ESR1: variants seen among roughly 807,000 people sequenced by gnomAD.
ESR1 encodes estrogen receptor 1.
ESR1 carries 12 observed loss-of-function variants against 52.7 expected under a neutral mutation model. That is an observed-to-expected ratio of 0.23 (90% CI 0.15 to 0.37). The LOEUF (loss-of-function observed/expected upper bound fraction) is 0.37, where lower values mean the gene tolerates loss of function less well. ESR1 is among the 10% of genes least tolerant of loss of function. The probability of loss-of-function intolerance (pLI) is 1.00; values close to 1 mark genes in which losing one functional copy is unlikely to be tolerated. For missense variants in ESR1, 584 were observed against 779.7 expected, an observed-to-expected ratio of 0.75 and a Z score of 2.99; for synonymous variants, 305 against 316.8, an observed-to-expected ratio of 0.96 and a Z score of 0.39.
exon 7 of ESR1, chr6:152,125,274 C>G (rs2052975111): frequency 6.5e-7 from 1 of 1,550,314 alleles, no homozygotes; most frequent in Non-Finnish European, 8.7e-7. Context: ...AGGTATCTCA[C>G]ATGTAGAAGC....
At chr6:152,015,671 A>G (rs1424960627) in intron 5 of ESR1, among the ~76,000 whole-genome samples, 1 of 151,998 alleles carries the variant, frequency 6.6e-6, no homozygotes, top group African/African-American at 2.4e-5. Context: ...TTCCCATCCA[A>G]CTCACTTCCT....
At chr6:151,968,361 G>A (rs2038519100) in intron 4 of ESR1, among the ~76,000 whole-genome samples, 1 of 152,144 alleles carries the variant, frequency 6.6e-6, no homozygotes, top group Non-Finnish European at 1.5e-5. Flanking sequence ...ACAGGCATGG[G>A]CAAATACTTC....
chr6:152,001,930 T>C (rs1396493535), intron 4 of ESR1, among the ~76,000 whole-genome samples: 1 of 151,962 alleles, frequency 6.6e-6, no homozygotes, highest in African/African-American at 2.4e-5. Context: ...CCCAAAGGGC[T>C]CCTGACTGGC....
intron 2 of ESR1, among the ~76,000 whole-genome samples, chr6:151,861,872 A>T (rs1788958949): frequency 6.6e-6 from 1 of 152,098 alleles, no homozygotes; most frequent in African/African-American, 2.4e-5. Context: ...AGTGTTTTGC[A>T]TGATTTACAA....
In ESR1 at chr6:151,927,727, CT is replaced by C. The variant is rs574266553; in HGVS notation, c.761-16436del. Among the ~76,000 whole-genome samples the C allele has an allele frequency of 3.6e-3, 536 of 147,972 alleles. 2 individuals are homozygous for C. Among genetic ancestry groups the C allele is most frequent in the African/African-American group, 0.012 (480 of 40,534 alleles). ...TTGGTAATTTATGTTTTCTGTCTCT[CT>C]TTTTTTTTTGCCAGAGTCTAACTCT... is the stretch of plus-strand genomic sequence containing the variant. On this transcript the variant is annotated intron_variant, in intron 3 of 7. Coordinates refer to ENST00000206249, the MANE Select transcript of ESR1 (RefSeq NM_000125.4).
chr6:151,720,447 A>G (rs935425788), intron 2 of ESR1, among the ~76,000 whole-genome samples: 3 of 152,220 alleles, frequency 2.0e-5, no homozygotes, highest in Non-Finnish European at 4.4e-5. Context: ...TTTCCAAATG[A>G]ATTCCACAAG....
chr6:151,864,970 G>A (rs1055434296), intron 2 of ESR1, among the ~76,000 whole-genome samples: 32 of 150,840 alleles, frequency 2.1e-4, no homozygotes, highest in Non-Finnish European at 3.4e-4. Context: ...GATAGCATTA[G>A]GAGATATAAC....
intron 6 of ESR1, among the ~76,000 whole-genome samples, chr6:152,116,154 G>A (rs1053548269): frequency 2.4e-4 from 36 of 152,062 alleles, no homozygotes; most frequent in East Asian, 1.9e-4. Flanking sequence ...GAAAGCAAAC[G>A]GGCAGAATTT....
chr6:152,067,453 G>A (rs2048050017), intron 6 of ESR1, among the ~76,000 whole-genome samples: 1 of 152,188 alleles, frequency 6.6e-6, no homozygotes, highest in South Asian at 2.1e-4. Context: ...AACCAACAAA[G>A]GAGAATGCCA....
intron 1 of ESR1, among the ~76,000 whole-genome samples, chr6:151,834,662 A>G (rs895135442): frequency 6.6e-6 from 1 of 152,158 alleles, no homozygotes; most frequent in African/African-American, 2.4e-5. Context: ...ACAAACTTGC[A>G]CATTCTGCAC....
rs144591704 is a variant in ESR1 at position 151,913,699 on chromosome 6, A to G, written c.761-30474A>G. Reference sequence around the variant, plus strand: ...CTTCAGTTTTAATTTCCTTCTTCCAAAGAACTCTGAGTCTTGCCCAGTGTG... The same window carrying G: ...CTTCAGTTTTAATTTCCTTCTTCCAGAGAACTCTGAGTCTTGCCCAGTGTG... On this transcript the variant is annotated intron_variant, in intron 3 of 7. Coordinates refer to ENST00000206249, the MANE Select transcript of ESR1 (RefSeq NM_000125.4). Among the ~76,000 whole-genome samples, 483 of 152,272 alleles carry G rather than the reference A, an allele frequency of 3.2e-3. 5 individuals are homozygous for G. Among genetic ancestry groups the G allele is most frequent in the African/African-American group, 0.011 (467 of 41,554 alleles).
intron 4 of ESR1, among the ~76,000 whole-genome samples, chr6:152,010,594 G>A (rs11967242): frequency 0.013 from 2,045 of 152,126 alleles, 39 homozygotes; most frequent in African/African-American, 0.046. Context: ...TCACTCTGGC[G>A]TATCTTAATG....
At chr6:151,794,718 C>G (rs1368021209) in intron 2 of ESR1, among the ~76,000 whole-genome samples, 1 of 152,076 alleles carries the variant, frequency 6.6e-6, no homozygotes, top group East Asian at 1.9e-4. Flanking sequence ...ACACACTAGA[C>G]TCGTGAGTTT....
intron 5 of ESR1, among the ~76,000 whole-genome samples, chr6:152,030,074 T>C (rs2044541454): frequency 1.3e-5 from 2 of 152,112 alleles, no homozygotes; most frequent in African/African-American, 2.4e-5. Context: ...TAAAATACTT[T>C]ACAGACAAGC....
At chr6:152,096,982 G>A (rs1322267101) in intron 7 of ESR1, among the ~76,000 whole-genome samples, 1 of 152,192 alleles carries the variant, frequency 6.6e-6, no homozygotes, top group Non-Finnish European at 1.5e-5. Flanking sequence ...GCATTAGCAA[G>A]CCTAATTAGT....
intron 5 of ESR1, among the ~76,000 whole-genome samples, chr6:152,035,695 G>A (rs2045232977): frequency 1.3e-5 from 2 of 152,094 alleles, no homozygotes; most frequent in Admixed American, 6.6e-5. Flanking sequence ...AATACAGTAT[G>A]GCATTGGCAT....
At position 151,678,702 on chromosome 6, in the gene ESR1, T is replaced by TC. The variant is rs35296052; in HGVS notation, n.73+21940dup. On this transcript the variant is annotated intron_variant and non_coding_transcript_variant, in intron 1 of 2. Transcript: ENST00000473497. ...CAAACCACTGGTTTTTTTTTTTTTTTCTGAGATGGAGTCTTACTCCGTTGC... is the reference window on the plus strand; with the variant it reads ...CAAACCACTGGTTTTTTTTTTTTTTTCCTGAGATGGAGTCTTACTCCGTTGC... 3.3e-5 allele frequency among the ~76,000 whole-genome samples: 5 copies of TC among 151,642 alleles called. No individual in the cohort carries two copies. In the East Asian group the frequency reaches 7.8e-4, roughly 24 times the overall value.
At chr6:151,668,068 T>C (rs1380258160) in intron 1 of ESR1, among the ~76,000 whole-genome samples, 2 of 152,180 alleles carry the variant, frequency 1.3e-5, no homozygotes, top group African/African-American at 4.8e-5. Flanking sequence ...TAGTCTATTC[T>C]GTGCTGCTAT....
chr6:151,991,847 A>G (rs1164242111), intron 4 of ESR1, among the ~76,000 whole-genome samples: 1 of 152,174 alleles, frequency 6.6e-6, no homozygotes, highest in East Asian at 1.9e-4. Context: ...CATCAGTCAG[A>G]CAGGAGTGCC....
Sources: allele counts gnomAD v4.1 joint callset (sites outside exome capture counted in the v4.1 genomes callset), GRCh38; gene constraint gnomAD v4.1.1; transcripts MANE v1.5; gene names NCBI Gene and HGNC (gene_info 2026-07-23, HGNC 2026-07-21).